HECW1: variants seen among roughly 807,000 people sequenced by gnomAD.
HECW1 encodes the protein E3 ubiquitin-protein ligase HECW1.
A neutral mutation model predicts 182.3 loss-of-function variants in HECW1; 61 were observed. The observed-to-expected ratio is 0.33, with a 90% CI of 0.27 to 0.41. HECW1 has a LOEUF of 0.41. HECW1 is among the 10% of genes least tolerant of loss of function. HECW1 has a pLI of 1.00. For synonymous variants in HECW1, 859 were observed against 832.6 expected (o/e 1.03, Z -0.55); for missense variants, 1,739 against 2,108.9 (o/e 0.82, Z 3.44).
Position 43,445,559 on chromosome 7 carries a change from A to G in HECW1, c.2387A>G (p.Asn796Ser). ...GAATCCCCCGTGGCAGGTCCAAGCA[A>G]TCGGAGAGAAGGTTAGACCTCAAAC... ...GLESPVAGPS[N>S]RREGECPILH... Residue 796 changes from asparagine to serine, a missense_variant, in exon 11 of 30, where the codon AAT becomes AGT. Asn to Ser is a conservative substitution (Grantham distance 46, BLOSUM62 1). This residue lies in a region of HECW1 where 971 missense variants were observed against 1,029.1 expected (regional missense o/e 0.94). Coordinates refer to ENST00000395891, the MANE Select transcript of HECW1 (RefSeq NM_015052.5). 17 of 1,589,224 alleles carry G rather than the reference A, an allele frequency of 1.1e-5. No individual in the cohort carries two copies. Among genetic ancestry groups the G allele is most frequent in the Non-Finnish European group, 1.5e-5 (17 of 1,164,286 alleles).
At chr7:43,127,626 TC>T (rs2152615348) in intron 2 of HECW1, among the ~76,000 whole-genome samples, 1 of 152,026 alleles carries the variant, frequency 6.6e-6, no homozygotes, top group South Asian at 2.1e-4. Flanking sequence ...CACACAGCAT[TC>T]CTTTAAGCTA....
intron 2 of HECW1, among the ~76,000 whole-genome samples, chr7:43,207,139 T>C (rs1371472562): frequency 6.6e-6 from 1 of 152,160 alleles, no homozygotes; most frequent in Non-Finnish European, 1.5e-5. Context: ...CTCCGTCTCC[T>C]GGGTTCAAGC....
chr7:43,466,076 AAGG>A (rs1305516592), intron 14 of HECW1, among the ~76,000 whole-genome samples: 7 of 148,622 alleles, frequency 4.7e-5, no homozygotes, highest in Non-Finnish European at 1.0e-4. Context: ...GGAAGGAAGG[AAGG>A]AGAGAGAAGA....
At chr7:43,265,949 G>C (rs554085629) in intron 3 of HECW1, among the ~76,000 whole-genome samples, 2 of 151,652 alleles carry the variant, frequency 1.3e-5, no homozygotes, top group East Asian at 3.9e-4. Context: ...GAGGAAACTT[G>C]AGGGGGGGTG....
chr7:43,374,730 C>T (rs1319273321), intron 6 of HECW1, among the ~76,000 whole-genome samples: 2 of 48,566 alleles, frequency 4.1e-5, no homozygotes, highest in East Asian at 9.5e-4. Flanking sequence ...GCCGAGATCC[C>T]GCCACTGCAC....
intron 4 of HECW1, among the ~76,000 whole-genome samples, chr7:43,313,941 T>C (rs987062222): frequency 1.1e-4 from 17 of 152,188 alleles, no homozygotes; most frequent in African/African-American, 3.4e-4. Context: ...TCTAGGGTTT[T>C]GGTTTGATTT....
At chr7:43,467,408 G>GCAGAGGGACATCTGTAGAAA (rs2077824556) in intron 15 of HECW1, among the ~76,000 whole-genome samples, 1 of 152,146 alleles carries the variant, frequency 6.6e-6, no homozygotes, top group South Asian at 2.1e-4. Context: ...ATAAGTCCAG[G>GCAGAGGGACATCTGTAGAAA]GTGGTGAGTG....
intron 24 of HECW1, among the ~76,000 whole-genome samples, chr7:43,519,285 C>T (rs2080325176): frequency 6.6e-6 from 1 of 151,782 alleles, no homozygotes; most frequent in Admixed American, 6.6e-5. Context: ...CTTGCTCTGT[C>T]ACCAGGCTGG....
chr7:43,193,141 T>C (rs1794093174), intron 2 of HECW1, among the ~76,000 whole-genome samples: 1 of 152,242 alleles, frequency 6.6e-6, no homozygotes, highest in African/African-American at 2.4e-5. Context: ...ATGATGCTGG[T>C]AAGAGTGTCT....
intron 26 of HECW1, among the ~76,000 whole-genome samples, chr7:43,546,076 A>AGATCTTCTTCCC (rs2081546582): frequency 7.5e-6 from 1 of 133,980 alleles, no homozygotes; most frequent in Non-Finnish European, 1.7e-5. Flanking sequence ...TGCTTCTTCT[A>AGATCTTCTTCCC]GATCTTCTTC....
intron 3 of HECW1, among the ~76,000 whole-genome samples, chr7:43,259,778 G>A (rs1800973091): frequency 6.6e-6 from 1 of 151,856 alleles, no homozygotes; most frequent in African/African-American, 2.4e-5. Context: ...TAAAGCACAG[G>A]GAAAAAAAAT....
intron 6 of HECW1, among the ~76,000 whole-genome samples, chr7:43,379,217 A>T (rs1254290913): frequency 6.6e-6 from 1 of 152,156 alleles, no homozygotes; most frequent in African/African-American, 2.4e-5. Context: ...CAATCCCAGA[A>T]GCACTGCACC....
intron 19 of HECW1, among the ~76,000 whole-genome samples, chr7:43,499,737 C>T (rs551624550): frequency 6.6e-5 from 10 of 152,150 alleles, no homozygotes; most frequent in South Asian, 2.1e-4. Flanking sequence ...AGCATGCATA[C>T]GATAGAAAGA....
At chr7:43,473,204 C>G (rs2078089599) in intron 16 of HECW1, among the ~76,000 whole-genome samples, 2 of 152,246 alleles carry the variant, frequency 1.3e-5, no homozygotes, top group Non-Finnish European at 2.9e-5. Flanking sequence ...TCTGCACATG[C>G]TCCCCTTCAC....
intron 8 of HECW1, among the ~76,000 whole-genome samples, chr7:43,427,030 T>C (rs933330066): frequency 5.6e-4 from 86 of 152,254 alleles, no homozygotes; most frequent in African/African-American, 1.9e-3. Flanking sequence ...AATTATAAGT[T>C]TGAAAAAAAG....
chr7:43,333,901 C>T (rs982268330), intron 5 of HECW1, among the ~76,000 whole-genome samples: 2 of 152,196 alleles, frequency 1.3e-5, no homozygotes, highest in African/African-American at 2.4e-5. Context: ...GGACTCTGCT[C>T]TCTGTCAAAC....
chr7:43,149,005 T>C (rs954015083), intron 2 of HECW1, among the ~76,000 whole-genome samples: 9 of 151,960 alleles, frequency 5.9e-5, no homozygotes, highest in African/African-American at 1.9e-4. Flanking sequence ...TTGATAAACA[T>C]AGAAGAAATT....
At chr7:43,270,400 A>T (rs756606761) in intron 3 of HECW1, among the ~76,000 whole-genome samples, 3 of 152,132 alleles carry the variant, frequency 2.0e-5, no homozygotes, top group Non-Finnish European at 2.9e-5. Context: ...TCAGCTAGCA[A>T]CTCGGGCTCT....
At chr7:43,258,052 A>G (rs1038071023) in intron 3 of HECW1, among the ~76,000 whole-genome samples, 1 of 152,218 alleles carries the variant, frequency 6.6e-6, no homozygotes, top group African/African-American at 2.4e-5. Context: ...AGAATTACAC[A>G]GTAAAGGCCA....
Sources: allele counts gnomAD v4.1 joint callset (sites outside exome capture counted in the v4.1 genomes callset), GRCh38; gene constraint gnomAD v4.1.1; regional missense constraint gnomAD v4.1.1; transcripts MANE v1.5; gene names NCBI Gene and HGNC (gene_info 2026-07-23, HGNC 2026-07-21).